Variants in PGM5 observed in about 807,000 individuals in gnomAD.
PGM5 encodes phosphoglucomutase-like protein 5.
Under a neutral mutation model 59.2 loss-of-function variants are expected in PGM5, and 23 were observed. That is an observed-to-expected ratio of 0.39 (90% CI 0.28 to 0.55). The LOEUF (loss-of-function observed/expected upper bound fraction) is 0.55. Ranked by LOEUF, PGM5 falls within the 20% of genes least tolerant of loss-of-function variation. PGM5 has a pLI of 0.66. For synonymous variants in PGM5, 214 were observed against 286.0 expected (o/e 0.75, Z 2.54); for missense variants, 574 against 748.3 (o/e 0.77, Z 2.72).
At chr9:68,410,155 A>G (rs2480126) in intron 6 of PGM5, among the ~76,000 whole-genome samples, 15 of 152,352 alleles carry the variant, frequency 9.8e-5, no homozygotes, top group African/African-American at 3.1e-4. Flanking sequence ...AGGATGAAGA[A>G]GAAGGGCAAA....
intron 2 of PGM5, among the ~76,000 whole-genome samples, chr9:68,379,498 A>C: frequency 6.6e-6 from 1 of 152,162 alleles, no homozygotes; most frequent in Non-Finnish European, 1.5e-5. Context: ...AAACTAAACC[A>C]CCAAACTACA....
chr9:68,479,596 T>G (rs781859333), intron 8 of PGM5, 43 bp downstream of exon 8: 26 of 1,596,522 alleles, frequency 1.6e-5, no homozygotes, highest in Non-Finnish European at 2.2e-5. Context: ...CCTGAAGAAC[T>G]ACTCCTAGAA....
intron 10 of PGM5, among the ~76,000 whole-genome samples, chr9:68,527,855 A>G (rs1825012279): frequency 6.6e-6 from 1 of 152,186 alleles, no homozygotes; most frequent in African/African-American, 2.4e-5. Context: ...TTTCAGCCCA[A>G]AACACTTCAA....
At chr9:68,477,408 C>G (rs1554686769) in intron 7 of PGM5, among the ~76,000 whole-genome samples, 1 of 152,170 alleles carries the variant, frequency 6.6e-6, no homozygotes, top group Admixed American at 6.5e-5. Context: ...TAGAAGTTGT[C>G]AAAGATGTTT....
At chr9:68,467,070 C>A (rs1396274738) in intron 7 of PGM5, among the ~76,000 whole-genome samples, 2 of 152,124 alleles carry the variant, frequency 1.3e-5, no homozygotes, top group African/African-American at 4.8e-5. Flanking sequence ...TTTGGGGGAG[C>A]AGAAGGGCTT....
At chr9:68,479,922 C>CAAA (rs60645209) in intron 8 of PGM5, among the ~76,000 whole-genome samples, 9 of 53,806 alleles carry the variant, frequency 1.7e-4, no homozygotes, top group South Asian at 6.4e-4. Context: ...GACTCCGTCT[C>CAAA]AAAAAAAAAA....
chr9:68,369,685 T>G (rs1483791679), intron 1 of PGM5, among the ~76,000 whole-genome samples: 1 of 152,168 alleles, frequency 6.6e-6, no homozygotes, highest in Admixed American at 6.5e-5. Context: ...CTGTGACTTT[T>G]CGGCACTTAT....
intron 6 of PGM5, among the ~76,000 whole-genome samples, chr9:68,401,883 ATATATATGTGTG>A (rs782037427): frequency 1.7e-4 from 18 of 105,866 alleles, no homozygotes; most frequent in Admixed American, 3.1e-4. Flanking sequence ...ACAGCTATAT[ATATATATGTGTG>A]TGTGTGTGTG....
At chr9:68,368,943 C>T (rs1587771466) in intron 1 of PGM5, among the ~76,000 whole-genome samples, 1 of 152,392 alleles carries the variant, frequency 6.6e-6, no homozygotes. Flanking sequence ...CCATGCCTGG[C>T]CTACATCCAG....
At chr9:68,456,554 C>A (rs1337808111) in intron 6 of PGM5, among the ~76,000 whole-genome samples, 1 of 150,004 alleles carries the variant, frequency 6.7e-6, no homozygotes, top group East Asian at 2.0e-4. Context: ...CTCCTGACGT[C>A]ATGAGCCGCC....
intron 7 of PGM5, among the ~76,000 whole-genome samples, chr9:68,468,159 G>A (rs568694961): frequency 7.9e-5 from 12 of 151,860 alleles, no homozygotes; most frequent in African/African-American, 1.2e-4. Context: ...AATAATTGTC[G>A]TTTCTGCTCC....
intron 6 of PGM5, among the ~76,000 whole-genome samples, chr9:68,418,353 T>TA (rs1823070686): frequency 6.6e-6 from 1 of 152,148 alleles, no homozygotes; most frequent in Non-Finnish European, 1.5e-5. Context: ...TACTTTGGCT[T>TA]AGACAAGGTA....
intron 2 of PGM5, among the ~76,000 whole-genome samples, chr9:68,379,554 G>A (rs1422625758): frequency 1.3e-5 from 2 of 152,028 alleles, no homozygotes; most frequent in Non-Finnish European, 1.5e-5. Context: ...TATCTACAAA[G>A]TAACCAGAAA....
At chr9:68,456,810 G>C (rs2871182) in intron 6 of PGM5, among the ~76,000 whole-genome samples, 1 of 151,618 alleles carries the variant, frequency 6.6e-6, no homozygotes, top group African/African-American at 2.4e-5. Context: ...ATTTTTAGTA[G>C]AAATGGGGTT....
chr9:68,473,191 C>A (rs1343908666), intron 7 of PGM5, among the ~76,000 whole-genome samples: 1 of 152,134 alleles, frequency 6.6e-6, no homozygotes, highest in Non-Finnish European at 1.5e-5. Flanking sequence ...AACCTCATAA[C>A]TCCACTATTT....
chr9:68,378,104 T>G (rs422163), intron 1 of PGM5, 95 bp from the exon 2 acceptor site: 407,117 of 756,590 alleles, frequency 0.54, 129,259 homozygotes, highest in South Asian at 0.71. Flanking sequence ...TTTATCAAGT[T>G]ATTGGCTGTA....
At chr9:68,380,215 A>AT (rs1822032971) in intron 2 of PGM5, among the ~76,000 whole-genome samples, 1 of 152,104 alleles carries the variant, frequency 6.6e-6, no homozygotes, top group African/African-American at 2.4e-5. Context: ...AAACCTTAAC[A>AT]AATTCAAAAA....
chr9:68,458,469 T>G (rs962073297), intron 6 of PGM5, among the ~76,000 whole-genome samples: 10 of 152,372 alleles, frequency 6.6e-5, no homozygotes, highest in African/African-American at 2.4e-4. Flanking sequence ...TTTTGCTTTT[T>G]CTTTTAAATA....
chr9:68,459,888 G>C (rs1366082377), intron 6 of PGM5, among the ~76,000 whole-genome samples: 1 of 151,980 alleles, frequency 6.6e-6, no homozygotes, highest in Non-Finnish European at 1.5e-5. Flanking sequence ...TAATTTATAA[G>C]AGTTTTTAAA....
Sources: gnomAD v4.1 joint callset for allele counts (sites outside exome capture counted in the v4.1 genomes callset) on GRCh38, gnomAD v4.1.1 for gene constraint, MANE v1.5 for transcripts, NCBI Gene and HGNC (gene_info 2026-07-23, HGNC 2026-07-21) for gene names.